AGBL4: variants seen among roughly 807,000 people sequenced by gnomAD.
AGBL4 encodes the protein cytosolic carboxypeptidase 6.
A neutral mutation model predicts 66.4 loss-of-function variants in AGBL4; 58 were observed. The ratio of observed to expected loss-of-function variants is 0.87; its 90% CI spans 0.71 to 1.09. AGBL4 has a LOEUF of 1.09. Among genes scored for constraint, AGBL4 ranks in the 50% least tolerant of loss-of-function variants. The probability of loss-of-function intolerance (pLI) is 0.00; values close to 1 mark genes in which losing one functional copy is unlikely to be tolerated. For missense variants in AGBL4, 579 were observed against 631.0 expected (o/e 0.92, Z 0.88); for synonymous variants, 234 against 222.9 (o/e 1.05, Z -0.44).
intron 4 of AGBL4, among the ~76,000 whole-genome samples, chr1:49,108,187 G>A (rs1433085041): frequency 2.0e-5 from 3 of 152,218 alleles, no homozygotes; most frequent in Middle Eastern, 3.4e-3. Flanking sequence ...CAGAATGTTC[G>A]TATATATTCA....
chr1:48,995,361 G>C (rs1052948648), intron 5 of AGBL4, among the ~76,000 whole-genome samples: 8 of 152,094 alleles, frequency 5.3e-5, no homozygotes, highest in African/African-American at 1.9e-4. Context: ...CTAAAGCCTT[G>C]AGAGCAGGGA....
At chr1:49,033,603 C>T (rs1272450742) in intron 5 of AGBL4, among the ~76,000 whole-genome samples, 1 of 152,028 alleles carries the variant, frequency 6.6e-6, no homozygotes, top group Non-Finnish European at 1.5e-5. Flanking sequence ...CATCAGTCCT[C>T]TCTCACCTCC....
At chr1:49,350,231 T>C (rs749077017) in intron 3 of AGBL4, among the ~76,000 whole-genome samples, 51 of 147,060 alleles carry the variant, frequency 3.5e-4, no homozygotes, top group Non-Finnish European at 6.4e-4. Flanking sequence ...TGAGACGGAG[T>C]CTCGCTCTGT....
intron 3 of AGBL4, among the ~76,000 whole-genome samples, chr1:49,667,173 T>G (rs1646387612): frequency 6.6e-6 from 1 of 152,130 alleles, no homozygotes. Flanking sequence ...TATATTAATA[T>G]GTAGGCCAGG....
chr1:49,862,982 A>C (rs2148089764), intron 1 of AGBL4, among the ~76,000 whole-genome samples: 1 of 152,354 alleles, frequency 6.6e-6, no homozygotes, highest in East Asian at 1.9e-4. Flanking sequence ...GGTAATAGTA[A>C]GTACACAGAA....
At chr1:49,616,510 T>C (rs961222146) in intron 3 of AGBL4, among the ~76,000 whole-genome samples, 1 of 152,162 alleles carries the variant, frequency 6.6e-6, no homozygotes, top group Non-Finnish European at 1.5e-5. Context: ...TACACTCACT[T>C]TTCTGGTAAG....
At chr1:48,976,971 T>C (rs961233988) in intron 5 of AGBL4, among the ~76,000 whole-genome samples, 50 of 152,176 alleles carry the variant, frequency 3.3e-4, no homozygotes, top group African/African-American at 1.2e-3. Context: ...CATTAGAAAG[T>C]ATCCCTATGA....
rs955129831 is a variant in AGBL4, at chr1:49,738,369, C to A, written c.158-40932G>T. Among the ~76,000 whole-genome samples, 6 of 152,226 alleles carry A rather than the reference C, an allele frequency of 3.9e-5. No individual in the cohort carries two copies. The East Asian group carries it at 1.2e-3, about 29-fold the overall frequency. On this transcript the variant is annotated intron_variant, in intron 2 of 13. Coordinates refer to ENST00000371839, the MANE Select transcript of AGBL4 (RefSeq NM_032785.4). ...AGCAAGGCTGGGGGAGGGGCGCTCA[C>A]CATTGCCCAGGCTTGAGCAGGTAAA... is the stretch of plus-strand genomic sequence containing the variant.
intron 2 of AGBL4, among the ~76,000 whole-genome samples, chr1:49,779,110 C>A (rs963176417): frequency 6.6e-6 from 1 of 152,216 alleles, no homozygotes; most frequent in East Asian, 1.9e-4. Context: ...TAAGAAAGAG[C>A]TGAGCTGAAA....
At chr1:48,845,723 GTTAAGAGTAAA>G (rs777616081) in intron 6 of AGBL4, among the ~76,000 whole-genome samples, 9 of 152,160 alleles carry the variant, frequency 5.9e-5, no homozygotes, top group Non-Finnish European at 1.2e-4. Flanking sequence ...GAGTATAGCA[GTTAAGAGTAAA>G]TTCTGGAGCC....
At chr1:49,291,800 T>C (rs1293521687) in intron 3 of AGBL4, among the ~76,000 whole-genome samples, 3 of 152,164 alleles carry the variant, frequency 2.0e-5, no homozygotes, top group African/African-American at 7.2e-5. Flanking sequence ...GGGCTGCACA[T>C]TCCACAGAGC....
chr1:49,669,744 A>C (rs1646440371), intron 3 of AGBL4, among the ~76,000 whole-genome samples: 1 of 152,166 alleles, frequency 6.6e-6, no homozygotes, highest in Non-Finnish European at 1.5e-5. Flanking sequence ...CTTCCCAATA[A>C]GGCAAATCTT....
At chr1:49,233,647 G>C (rs1650500215) in intron 4 of AGBL4, among the ~76,000 whole-genome samples, 1 of 152,156 alleles carries the variant, frequency 6.6e-6, no homozygotes, top group Non-Finnish European at 1.5e-5. Flanking sequence ...GGCAGAGTAA[G>C]CTAAGTGCCA....
intron 3 of AGBL4, among the ~76,000 whole-genome samples, chr1:49,257,865 G>A (rs560759024): frequency 3.3e-4 from 51 of 152,256 alleles, no homozygotes; most frequent in Non-Finnish European, 1.5e-5. Flanking sequence ...CTCCTCTAGA[G>A]GGTCCCTGAC....
chr1:49,108,997 G>T (rs1408055726), intron 4 of AGBL4, among the ~76,000 whole-genome samples: 1 of 152,176 alleles, frequency 6.6e-6, no homozygotes, highest in East Asian at 1.9e-4. Context: ...AAAAATGAGG[G>T]GGTTGGATCA....
intron 3 of AGBL4, among the ~76,000 whole-genome samples, chr1:49,599,072 T>A (rs1313634349): frequency 5.9e-5 from 9 of 152,106 alleles, no homozygotes; most frequent in Admixed American, 5.9e-4. Flanking sequence ...CTTTTTTGTT[T>A]TTGTGCCTCT....
At chr1:49,997,827 T>C (rs1402672245) in intron 1 of AGBL4, among the ~76,000 whole-genome samples, 1 of 152,128 alleles carries the variant, frequency 6.6e-6, no homozygotes, top group Non-Finnish European at 1.5e-5. Flanking sequence ...TCTCAGTAAA[T>C]TTAAGAAAAT....
At chr1:49,236,977 A>G (rs1012543979) in intron 4 of AGBL4, among the ~76,000 whole-genome samples, 2 of 151,964 alleles carry the variant, frequency 1.3e-5, no homozygotes, top group African/African-American at 4.8e-5. Context: ...TGGTTTTAAA[A>G]AATGGGAGTT....
At chr1:49,495,258 C>T (rs575326104) in intron 3 of AGBL4, among the ~76,000 whole-genome samples, 1 of 152,232 alleles carries the variant, frequency 6.6e-6, no homozygotes, top group East Asian at 1.9e-4. Flanking sequence ...TTACAACTAG[C>T]TTGTCCAACC....
Sources: gnomAD v4.1 joint callset for allele counts (sites outside exome capture counted in the v4.1 genomes callset) on GRCh38, gnomAD v4.1.1 for gene constraint, MANE v1.5 for transcripts, NCBI Gene and HGNC (gene_info 2026-07-23, HGNC 2026-07-21) for gene names.